ROBO2: variants seen among roughly 807,000 people sequenced by gnomAD.
ROBO2 encodes roundabout homolog 2.
Under a neutral mutation model 160.8 loss-of-function variants are expected in ROBO2, and 53 were observed. The observed-to-expected ratio is 0.33, with a 90% CI of 0.26 to 0.41. The LOEUF (loss-of-function observed/expected upper bound fraction) is 0.41, where lower values mean the gene tolerates loss of function less well. ROBO2 is among the 10% of genes least tolerant of loss of function. The pLI is 1.00. For synonymous variants in ROBO2, 664 were observed against 611.7 expected (o/e 1.09, Z -1.26); for missense variants, 1,577 against 1,722.4 (o/e 0.92, Z 1.49).
intron 2 of ROBO2, among the ~76,000 whole-genome samples, chr3:76,659,011 T>G (rs2091702175): frequency 6.6e-6 from 1 of 152,102 alleles, no homozygotes; most frequent in African/African-American, 2.4e-5. Context: ...GAGGCCTTCA[T>G]TCAAAGGATA....
At chr3:77,612,573 G>A (rs1325963883) in intron 21 of ROBO2, among the ~76,000 whole-genome samples, 4 of 151,866 alleles carry the variant, frequency 2.6e-5, no homozygotes, top group South Asian at 2.1e-4. Flanking sequence ...TTTCAGTTTC[G>A]CTATCCCAAA....
intron 3 of ROBO2, among the ~76,000 whole-genome samples, chr3:77,478,510 G>T (rs2084306885): frequency 6.6e-6 from 1 of 152,174 alleles, no homozygotes; most frequent in Admixed American, 6.5e-5. Flanking sequence ...CAAATGGCAT[G>T]TAATCATTTT....
At chr3:76,531,714 A>G (rs1239046871) in intron 2 of ROBO2, among the ~76,000 whole-genome samples, 2 of 151,152 alleles carry the variant, frequency 1.3e-5, no homozygotes, top group Admixed American at 1.3e-4. Context: ...TAGTATATCA[A>G]GGCTTCTGAT....
chr3:77,112,495 C>T (rs143247457), intron 2 of ROBO2, among the ~76,000 whole-genome samples: 2,434 of 152,080 alleles, frequency 0.016, 57 homozygotes, highest in African/African-American at 0.054. Flanking sequence ...GCGCCCGCCT[C>T]GGCCTCCCAA....
chr3:76,493,359 ATATAT>A (rs2079951941), intron 2 of ROBO2, among the ~76,000 whole-genome samples: 2 of 143,150 alleles, frequency 1.4e-5, no homozygotes, highest in Non-Finnish European at 3.0e-5. Flanking sequence ...ATATATATAT[ATATAT>A]AATTGTATAT....
intron 2 of ROBO2, among the ~76,000 whole-genome samples, chr3:76,101,166 C>T (rs1398788083): frequency 1.3e-5 from 2 of 151,854 alleles, no homozygotes; most frequent in Admixed American, 6.6e-5. Context: ...TTTGGGCTAC[C>T]GTGGAGGAAA....
At chr3:77,356,657 GT>G (rs1376687412) in intron 2 of ROBO2, among the ~76,000 whole-genome samples, 1 of 152,124 alleles carries the variant, frequency 6.6e-6, no homozygotes, top group Non-Finnish European at 1.5e-5. Context: ...TTTATATATT[GT>G]TTTGGGGAAA....
chr3:76,555,760 TCAAA>T (rs557488082), intron 2 of ROBO2, among the ~76,000 whole-genome samples: 143 of 152,182 alleles, frequency 9.4e-4, no homozygotes, highest in African/African-American at 3.4e-3. Flanking sequence ...TAAGAGGTTC[TCAAA>T]CAAAGGGTGG....
intron 2 of ROBO2, among the ~76,000 whole-genome samples, chr3:77,364,754 G>T (rs2070585138): frequency 6.6e-6 from 1 of 152,172 alleles, no homozygotes; most frequent in African/African-American, 2.4e-5. Context: ...CTAGCATGGT[G>T]TTGAGAGGAA....
In ROBO2 at chr3:76,679,693, C is replaced by A. The variant is rs180984672; in HGVS notation, c.110-418321C>A. ...TTAGTCCACTTGGTGGGGTAGGAGT[C>A]ATTGAAATAGAGATTTTGCTACATT... On this transcript the variant is annotated intron_variant, in intron 2 of 26. Coordinates refer to the ROBO2 transcript ENST00000487694. 2.4e-4 allele frequency among the ~76,000 whole-genome samples: 37 copies of A among 152,212 alleles called. No homozygotes were observed. The East Asian group carries it at 6.9e-3, about 29-fold the overall frequency.
chr3:77,021,525 A>G lies in ROBO2; in HGVS notation c.110-76489A>G, dbSNP rs1465906621. Among the ~76,000 whole-genome samples, 3 of 152,288 alleles carry G rather than the reference A, an allele frequency of 2.0e-5. No individual in the cohort carries two copies. The East Asian group carries it at 5.8e-4, about 30-fold the overall frequency. On this transcript the variant is annotated intron_variant, in intron 2 of 26. Coordinates refer to the ROBO2 transcript ENST00000487694. ...CCTACCTTGTCTGAAAGTAAGTTATAAGAACCTCATTCCAGAGGAGGTCCT... is the reference window on the plus strand; with the variant it reads ...CCTACCTTGTCTGAAAGTAAGTTATGAGAACCTCATTCCAGAGGAGGTCCT...
At chr3:76,186,091 C>T (rs1403790863) in intron 2 of ROBO2, among the ~76,000 whole-genome samples, 2 of 151,718 alleles carry the variant, frequency 1.3e-5, no homozygotes, top group Admixed American at 6.6e-5. Flanking sequence ...CACCACCACA[C>T]CTGACTAATT....
intron 2 of ROBO2, among the ~76,000 whole-genome samples, chr3:76,954,766 A>G (rs546922444): frequency 1.8e-4 from 27 of 152,366 alleles, no homozygotes; most frequent in African/African-American, 6.0e-4. Flanking sequence ...CCAAGAAGGT[A>G]GTGTTATCAC....
intron 2 of ROBO2, among the ~76,000 whole-genome samples, chr3:76,926,768 G>C (rs1351549247): frequency 3.3e-5 from 5 of 152,174 alleles, no homozygotes. Context: ...CAGATCTCCA[G>C]AGAGAGCTGA....
chr3:77,067,028 T>TCACACACACACA (rs144228628), intron 1 of ROBO2, among the ~76,000 whole-genome samples: 10 of 136,934 alleles, frequency 7.3e-5, no homozygotes, highest in South Asian at 4.8e-4. Flanking sequence ...ACACACACAC[T>TCACACACACACA]CACACACACA....
At chr3:77,118,895 G>A (rs2074461931) in intron 2 of ROBO2, among the ~76,000 whole-genome samples, 1 of 152,098 alleles carries the variant, frequency 6.6e-6, no homozygotes, top group African/African-American at 2.4e-5. Flanking sequence ...TGTACAGCAT[G>A]TTAGTATACT....
chr3:77,261,629 A>G (rs556741445), intron 2 of ROBO2, among the ~76,000 whole-genome samples: 1 of 152,294 alleles, frequency 6.6e-6, no homozygotes, highest in South Asian at 2.1e-4. Context: ...ATAGATGCTC[A>G]CAGCTGCATG....
At chr3:76,149,897 T>A (rs71625100) in intron 2 of ROBO2, among the ~76,000 whole-genome samples, 2 of 132,238 alleles carry the variant, frequency 1.5e-5, no homozygotes, top group South Asian at 2.5e-4. Context: ...ACACATCATC[T>A]GTCTAAAACA....
At chr3:76,870,886 C>T (rs1299491337) in intron 2 of ROBO2, among the ~76,000 whole-genome samples, 3 of 151,490 alleles carry the variant, frequency 2.0e-5, no homozygotes, top group Non-Finnish European at 4.4e-5. Flanking sequence ...ATTTAGTTTT[C>T]ATTTTATTAA....
Sources: allele counts gnomAD v4.1 joint callset (sites outside exome capture counted in the v4.1 genomes callset), GRCh38; gene constraint gnomAD v4.1.1; transcripts MANE v1.5; gene names NCBI Gene and HGNC (gene_info 2026-07-23, HGNC 2026-07-21).